Variants in UBL3 observed in about 807,000 individuals in gnomAD.
UBL3 encodes ubiquitin-like protein 3.
In UBL3, 6 loss-of-function variants were observed where a neutral mutation model predicts 18.4. The ratio of observed to expected loss-of-function variants is 0.33; its 90% CI spans 0.18 to 0.64. The LOEUF is 0.64. Among genes scored for constraint, UBL3 ranks in the 30% least tolerant of loss-of-function variants. The probability of loss-of-function intolerance (pLI) is 0.76; values close to 1 mark genes in which losing one functional copy is unlikely to be tolerated. For missense variants in UBL3, 109 were observed against 142.9 expected (o/e 0.76, Z 1.21); for synonymous variants, 49 against 46.6 (o/e 1.05, Z -0.21).
intron 1 of UBL3, among the ~76,000 whole-genome samples, chr13:29,848,587 C>T (rs1237268088): frequency 2.0e-5 from 3 of 152,194 alleles, no homozygotes; most frequent in Admixed American, 1.3e-4. Flanking sequence ...AGCACAACTA[C>T]GTTAACTTCA....
chr13:29,845,203 C>T (rs1593679904), intron 1 of UBL3, among the ~76,000 whole-genome samples: 1 of 152,072 alleles, frequency 6.6e-6, no homozygotes, highest in South Asian at 2.1e-4. Flanking sequence ...AGAAGGAATT[C>T]AAAGCTGTGG....
chr13:29,816,941 A>C (rs1658938140), intron 1 of UBL3, among the ~76,000 whole-genome samples: 1 of 152,100 alleles, frequency 6.6e-6, no homozygotes. Context: ...CTGCTAGGTA[A>C]ATTAGGGTTA....
chr13:29,769,591 C>T (rs1876783102), intron 3 of UBL3, among the ~76,000 whole-genome samples: 1 of 151,922 alleles, frequency 6.6e-6, no homozygotes, highest in Non-Finnish European at 1.5e-5. Flanking sequence ...AATAAGTATC[C>T]TAGATGAGTC....
chr13:29,849,413 C>T, intron 1 of UBL3, 99 bp downstream of exon 1: 23 of 1,550,614 alleles, frequency 1.5e-5, no homozygotes, highest in Middle Eastern at 1.7e-4. Flanking sequence ...GGCTTTTCGA[C>T]AGTCCCCAGC....
intron 1 of UBL3, among the ~76,000 whole-genome samples, chr13:29,813,156 T>C (rs1358111546): frequency 9.2e-5 from 14 of 152,062 alleles, no homozygotes; most frequent in Non-Finnish European, 1.5e-5. Context: ...TTTCTTTTCC[T>C]AAGCAATTGC....
At chr13:29,844,276 C>T (rs1658546045) in intron 1 of UBL3, among the ~76,000 whole-genome samples, 1 of 152,050 alleles carries the variant, frequency 6.6e-6, no homozygotes, top group Admixed American at 6.5e-5. Context: ...TTTTGGGGGA[C>T]AAAATAAACA....
chr13:29,804,066 A>G (rs1877840441), intron 1 of UBL3, among the ~76,000 whole-genome samples: 1 of 151,886 alleles, frequency 6.6e-6, no homozygotes, highest in South Asian at 2.1e-4. Context: ...AATCAGCCAT[A>G]AGACAATCCT....
At chr13:29,825,454 CTT>C (rs1878591296) in intron 1 of UBL3, among the ~76,000 whole-genome samples, 1 of 152,238 alleles carries the variant, frequency 6.6e-6, no homozygotes, top group South Asian at 2.1e-4. Context: ...ATTTTATTCT[CTT>C]TGAAGCAATT....
intron 1 of UBL3, among the ~76,000 whole-genome samples, chr13:29,834,384 T>C (rs1878865930): frequency 1.3e-5 from 2 of 151,924 alleles, no homozygotes; most frequent in South Asian, 4.1e-4. Context: ...TATTCAAATA[T>C]ATATAATTAT....
At position 29,815,780 on chromosome 13, in the gene UBL3, A is replaced by G. The variant is rs146663322; in HGVS notation, c.27+33732T>C. ...GCCAATTCAAATAGAAAAGCACTCA[A>G]TGAAAGATGTCTGGATAACTTACCT... is the stretch of plus-strand genomic sequence containing the variant. On this transcript the variant is annotated intron_variant, in intron 1 of 4. Coordinates refer to ENST00000380680, the MANE Select transcript of UBL3 (RefSeq NM_007106.4). Among the ~76,000 whole-genome samples the G allele has an allele frequency of 2.3e-3, 347 of 152,294 alleles. 2 individuals are homozygous for G. Among genetic ancestry groups the G allele is most frequent in the African/African-American group, 8.1e-3 (336 of 41,562 alleles).
chr13:29,815,585 TC>T (rs1190281927), intron 1 of UBL3, among the ~76,000 whole-genome samples: 1 of 152,122 alleles, frequency 6.6e-6, no homozygotes. Context: ...GCCACTTTAT[TC>T]CCAAATATGT....
intron 1 of UBL3, among the ~76,000 whole-genome samples, chr13:29,835,911 T>A (rs143415560): frequency 6.6e-6 from 1 of 152,254 alleles, no homozygotes; most frequent in Non-Finnish European, 1.5e-5. Context: ...CATAGTCATG[T>A]TAGACAGGAG....
chr13:29,816,981 C>T (rs994549139), intron 1 of UBL3, among the ~76,000 whole-genome samples: 7 of 152,060 alleles, frequency 4.6e-5, no homozygotes, highest in African/African-American at 1.2e-4. Flanking sequence ...AGATGTGAGA[C>T]GCAAAAGTTA....
intron 1 of UBL3, among the ~76,000 whole-genome samples, chr13:29,785,261 A>T (rs1223233420): frequency 6.6e-6 from 1 of 152,208 alleles, no homozygotes; most frequent in Non-Finnish European, 1.5e-5. Context: ...AGATGTTACC[A>T]TTAGGGAAAA....
intron 1 of UBL3, among the ~76,000 whole-genome samples, chr13:29,812,078 A>G (rs137979714): frequency 1.1e-3 from 161 of 152,168 alleles, no homozygotes; most frequent in African/African-American, 3.8e-3. Context: ...AATTTGTAAA[A>G]GGCCTAGCTT....
chr13:29,835,081 TAA>T (rs1566000872), intron 1 of UBL3, among the ~76,000 whole-genome samples: 13 of 86,626 alleles, frequency 1.5e-4, no homozygotes, highest in South Asian at 1.0e-3. Context: ...ATAAAATATA[TAA>T]ATATAAATAT....
chr13:29,828,803 G>A (rs920058240), intron 1 of UBL3, among the ~76,000 whole-genome samples: 2 of 152,172 alleles, frequency 1.3e-5, no homozygotes, highest in African/African-American at 4.8e-5. Flanking sequence ...CATTTTTGTG[G>A]TTTTATCTAC....
rs144460501 is a variant in UBL3 at position 29,826,963 on chromosome 13, T to G, written c.27+22549A>C. Among the ~76,000 whole-genome samples, 28 of 152,310 alleles carry G rather than the reference T, an allele frequency of 1.8e-4. 1 individual carries two copies. In the East Asian group the frequency reaches 5.2e-3, roughly 28 times the overall value. ...ATGTACCCAGTAGTCATTCCGGAGC[T>G]TGCTGTTCAGTTTCCATGCAGTTGT... On this transcript the variant is annotated intron_variant, in intron 1 of 4. Coordinates refer to ENST00000380680, the MANE Select transcript of UBL3 (RefSeq NM_007106.4).
At chr13:29,833,658 T>C (rs1337420659) in intron 1 of UBL3, among the ~76,000 whole-genome samples, 1 of 152,194 alleles carries the variant, frequency 6.6e-6, no homozygotes, top group Non-Finnish European at 1.5e-5. Flanking sequence ...TCCCACTATT[T>C]AAAACTGAAC....
Sources: allele counts gnomAD v4.1 joint callset (sites outside exome capture counted in the v4.1 genomes callset), GRCh38; gene constraint gnomAD v4.1.1; transcripts MANE v1.5; gene names NCBI Gene and HGNC (gene_info 2026-07-23, HGNC 2026-07-21).